The following SLC1A1 variants were observed in gnomAD, a reference collection of about 807,000 sequenced individuals.
SLC1A1 encodes excitatory amino acid transporter 3.
SLC1A1 carries 43 observed loss-of-function variants against 53.3 expected under a neutral mutation model. That is an observed-to-expected ratio of 0.81 (90% CI 0.63 to 1.04). The LOEUF is 1.04. Ranked by LOEUF, SLC1A1 falls within the 50% of genes least tolerant of loss-of-function variation. SLC1A1 has a pLI of 0.00. For missense variants in SLC1A1, 748 were observed against 664.9 expected, an observed-to-expected ratio of 1.12 and a Z score of -1.37; for synonymous variants, 307 against 243.2, an observed-to-expected ratio of 1.26 and a Z score of -2.44.
rs367993291 is a variant in SLC1A1 at position 4,520,639 on chromosome 9, G to C, written c.92-23928G>C. 2.0e-5 allele frequency among the ~76,000 whole-genome samples: 3 copies of C among 152,312 alleles called. No homozygotes were observed. The East Asian group carries it at 5.8e-4, about 29-fold the overall frequency. ...GCTGAATATTATTCCATTGGATAGAGATACAATATTTTGTTTATCCAATAA... is the reference window on the plus strand; with the variant it reads ...GCTGAATATTATTCCATTGGATAGACATACAATATTTTGTTTATCCAATAA... On this transcript the variant is annotated intron_variant, in intron 1 of 11. Transcript: ENST00000262352.
chr9:4,574,458 G>C (rs374723318), intron 8 of SLC1A1, among the ~76,000 whole-genome samples: 2 of 152,128 alleles, frequency 1.3e-5, no homozygotes, highest in Non-Finnish European at 2.9e-5. Flanking sequence ...GATGGCTGTT[G>C]GTTCAAACAC....
At chr9:4,523,888 C>T (rs1816170817) in intron 1 of SLC1A1, among the ~76,000 whole-genome samples, 1 of 152,220 alleles carries the variant, frequency 6.6e-6, no homozygotes, top group Non-Finnish European at 1.5e-5. Flanking sequence ...CAAGATAACA[C>T]AGCTAATAAA....
chr9:4,583,241 A>AAG lies in SLC1A1; in HGVS notation c.1328+69_1328+70insAG. ...GGCTTCCCAGCCTCGCAGGCGCTGC[A>AAG]GTCTGTCATCATTCTCTCCTCAGAT... On this transcript the variant is annotated intron_variant, in intron 11 of 11. Transcript: ENST00000262352. The surrounding 1 kb of genome is among the most constrained non-coding windows in gnomAD (Gnocchi z 4.6). 3 of 1,594,500 alleles carry AAG rather than the reference A, an allele frequency of 1.9e-6. No individual in the cohort carries two copies. The highest frequency in any genetic ancestry group is 1.7e-6 in the Non-Finnish European group (2 of 1,162,934).
At chr9:4,528,575 C>CA (rs1245489820) in intron 1 of SLC1A1, among the ~76,000 whole-genome samples, 8 of 151,936 alleles carry the variant, frequency 5.3e-5, no homozygotes, top group Non-Finnish European at 1.2e-4. Context: ...GACTCCGTCT[C>CA]AAAAAACAAA....
chr9:4,551,960 A>G (rs1157680288), intron 2 of SLC1A1, among the ~76,000 whole-genome samples: 1 of 152,248 alleles, frequency 6.6e-6, no homozygotes, highest in East Asian at 1.9e-4. Context: ...TGCCATTTGC[A>G]AGTAATAAAA....
At chr9:4,572,624 T>G (rs1454578349) in intron 7 of SLC1A1, among the ~76,000 whole-genome samples, 2 of 152,236 alleles carry the variant, frequency 1.3e-5, no homozygotes, top group East Asian at 3.8e-4. Flanking sequence ...CTCGGCTCAC[T>G]GCAGCCTCAA....
chr9:4,564,522 G>T, intron 4 of SLC1A1, 64 bp downstream of exon 4: 1 of 904,256 alleles, frequency 1.1e-6, no homozygotes, highest in Non-Finnish European at 1.8e-6. Context: ...CCTTGTATGT[G>T]GTTTAATATT....
At chr9:4,519,709 G>A (rs1236208059) in intron 1 of SLC1A1, among the ~76,000 whole-genome samples, 1 of 152,208 alleles carries the variant, frequency 6.6e-6, no homozygotes, top group East Asian at 1.9e-4. Context: ...TGAGGATACA[G>A]AGGCTTAGAG....
intron 2 of SLC1A1, among the ~76,000 whole-genome samples, chr9:4,557,181 T>G (rs765010986): frequency 3.9e-5 from 6 of 152,198 alleles, no homozygotes; most frequent in Non-Finnish European, 8.8e-5. Flanking sequence ...AAGCTTCAAG[T>G]ACAAACATTC....
rs550762098 is a variant in SLC1A1 at position 4,519,008 on chromosome 9, G to C, written c.92-25559G>C. ...TTGTGTCATGTTTTTTCACTATTCT[G>C]TCTGCCTTAGGGTCTCCAACCCCTT... On this transcript the variant is annotated intron_variant, in intron 1 of 11. Transcript: ENST00000262352. 9.3e-4 allele frequency among the ~76,000 whole-genome samples: 142 copies of C among 152,256 alleles called. 1 individual carries two copies. The Middle Eastern group carries it at 0.024, about 26-fold the overall frequency.
chr9:4,526,798 A>AAATTAGAAAATGTGGCACATATACACCAT (rs1564008518), intron 1 of SLC1A1, among the ~76,000 whole-genome samples: 1 of 152,012 alleles, frequency 6.6e-6, no homozygotes, highest in South Asian at 2.1e-4. Context: ...GATCTACAAT[A>AAATTAGAAAATGTGGCACATATACACCAT]GTTGTAGTAG....
At chr9:4,564,284 A>C (rs937433999) in intron 3 of SLC1A1, 60 bp from the exon 4 acceptor site, 74 of 1,143,346 alleles carry the variant, frequency 6.5e-5, no homozygotes, top group South Asian at 1.0e-4. Flanking sequence ...TAAAGGTGCC[A>C]GCTGTGCCAG....
At chr9:4,569,235 C>T (rs1289388673) in intron 6 of SLC1A1, among the ~76,000 whole-genome samples, 4 of 152,190 alleles carry the variant, frequency 2.6e-5, no homozygotes, top group Non-Finnish European at 5.9e-5. Context: ...ATTCAGAGTT[C>T]AGAGTTTCTC....
At chr9:4,498,036 G>C (rs1042627757) in intron 1 of SLC1A1, among the ~76,000 whole-genome samples, 1 of 152,224 alleles carries the variant, frequency 6.6e-6, no homozygotes, top group East Asian at 1.9e-4. Flanking sequence ...TCAGGAACTA[G>C]TGGTATGCGT....
chr9:4,551,606 C>A (rs969786060), intron 2 of SLC1A1, among the ~76,000 whole-genome samples: 82 of 152,324 alleles, frequency 5.4e-4, no homozygotes, highest in Non-Finnish European at 3.2e-4. Context: ...AGTATGCATT[C>A]TTTTCTTGAA....
At chr9:4,507,341 C>T (rs1018989572) in intron 1 of SLC1A1, among the ~76,000 whole-genome samples, 1 of 152,024 alleles carries the variant, frequency 6.6e-6, no homozygotes, top group African/African-American at 2.4e-5. Flanking sequence ...TGGTGGTCAT[C>T]CCAGATGCAT....
chr9:4,499,178 G>C (rs1241348968), intron 1 of SLC1A1, among the ~76,000 whole-genome samples: 1 of 151,176 alleles, frequency 6.6e-6, no homozygotes, highest in Non-Finnish European at 1.5e-5. Context: ...CCGAGTAGCT[G>C]GGATTACAGG....
rs747316936 is a variant in SLC1A1 at position 4,565,112 on chromosome 9, A to G, written c.440+654A>G. Among the ~76,000 whole-genome samples, 35 of 152,298 alleles carry G rather than the reference A, an allele frequency of 2.3e-4. No homozygotes were observed. The Middle Eastern group carries it at 0.014, about 59-fold the overall frequency. On this transcript the variant is annotated intron_variant, in intron 4 of 11. Transcript: ENST00000262352. ...AAGAAAGCTAAGTGCAAATCTTTCC[A>G]GTTTTTCTTTTTAATTTCAATAATC...
intron 1 of SLC1A1, among the ~76,000 whole-genome samples, chr9:4,543,214 T>C (rs1458173965): frequency 6.6e-6 from 1 of 152,238 alleles, no homozygotes; most frequent in Non-Finnish European, 1.5e-5. Context: ...AAATAAGTCT[T>C]GGTATTCACA....
Sources: gnomAD v4.1 joint callset for allele counts (sites outside exome capture counted in the v4.1 genomes callset) on GRCh38, gnomAD v4.1.1 for gene constraint, Gnocchi (gnomAD v3.1) non-coding constraint, MANE v1.5 for transcripts, NCBI Gene and HGNC (gene_info 2026-07-23, HGNC 2026-07-21) for gene names.